The following RAI14 variants were observed in gnomAD, a reference collection of about 807,000 sequenced individuals.
RAI14 encodes retinoic acid induced 14, also known as ankycorbin.
In RAI14, 45 loss-of-function variants were observed where a neutral mutation model predicts 115.4. The ratio of observed to expected loss-of-function variants is 0.39; its 90% CI spans 0.31 to 0.50. The LOEUF (loss-of-function observed/expected upper bound fraction) is 0.50. Ranked by LOEUF, RAI14 falls within the 20% of genes least tolerant of loss-of-function variation. The pLI is 0.85. For missense variants in RAI14, 939 were observed against 1,131.2 expected (o/e 0.83, Z 2.44); for synonymous variants, 371 against 415.4 (o/e 0.89, Z 1.30).
intron 4 of RAI14, among the ~76,000 whole-genome samples, chr5:34,798,116 A>C (rs1479473829): frequency 1.3e-5 from 2 of 151,776 alleles, no homozygotes; most frequent in Non-Finnish European, 2.9e-5. Flanking sequence ...GCTCACTGCA[A>C]CCTCCGCATC....
chr5:34,776,299 G>A (rs1750826272), intron 3 of RAI14, among the ~76,000 whole-genome samples: 1 of 152,056 alleles, frequency 6.6e-6, no homozygotes, highest in Non-Finnish European at 1.5e-5. Context: ...GGAGGTTAAT[G>A]GGTATAAAAA....
intron 12 of RAI14, among the ~76,000 whole-genome samples, chr5:34,815,826 G>T (rs930437266): frequency 3.3e-5 from 5 of 152,192 alleles, no homozygotes; most frequent in Admixed American, 3.3e-4. Context: ...AATGATAAGT[G>T]TGTGAGATTA....
At chr5:34,686,739 C>T (rs10064852) in intron 1 of RAI14, 133 bp from the exon 2 acceptor site, 7,404 of 443,710 alleles carry the variant, frequency 0.017, 514 homozygotes, top group African/African-American at 0.14. Flanking sequence ...TTATTTACCA[C>T]TCCTCAGCTG....
intron 3 of RAI14, among the ~76,000 whole-genome samples, chr5:34,781,558 C>G (rs1751647886): frequency 1.3e-5 from 2 of 152,148 alleles, no homozygotes; most frequent in Admixed American, 1.3e-4. Context: ...GGTTGTAATT[C>G]AAATTCTCAT....
At chr5:34,662,168 C>G (rs1435487191) in intron 1 of RAI14, among the ~76,000 whole-genome samples, 1 of 152,092 alleles carries the variant, frequency 6.6e-6, no homozygotes, top group Non-Finnish European at 1.5e-5. Flanking sequence ...TGACTTTGTG[C>G]TTTTATCTAT....
intron 3 of RAI14, among the ~76,000 whole-genome samples, chr5:34,773,717 C>A (rs547599188): frequency 1.8e-3 from 274 of 152,128 alleles, no homozygotes; most frequent in African/African-American, 6.4e-3. Flanking sequence ...GTTATCCTAC[C>A]CCAGTTAGAA....
intron 2 of RAI14, among the ~76,000 whole-genome samples, chr5:34,691,311 A>G (rs1738570646): frequency 1.3e-5 from 2 of 152,212 alleles, no homozygotes; most frequent in Non-Finnish European, 2.9e-5. Flanking sequence ...AAAGAAGAAT[A>G]CTATATAAAG....
At chr5:34,741,509 G>C (rs909698043) in intron 2 of RAI14, among the ~76,000 whole-genome samples, 3 of 152,186 alleles carry the variant, frequency 2.0e-5, no homozygotes, top group Non-Finnish European at 4.4e-5. Flanking sequence ...CAGAGAGATG[G>C]CCAGATAAAA....
intron 1 of RAI14, among the ~76,000 whole-genome samples, chr5:34,673,483 T>C (rs548591952): frequency 1.2e-4 from 19 of 152,378 alleles, no homozygotes; most frequent in African/African-American, 3.4e-4. Flanking sequence ...AGGAATGGGC[T>C]GAGCAGACCG....
intron 2 of RAI14, chr5:34,688,372 A>T (rs938219062): frequency 2.0e-5 from 20 of 995,278 alleles, no homozygotes; most frequent in Admixed American, 2.7e-5. Context: ...ATAGGTTAAG[A>T]TTATTTTTAG....
At chr5:34,664,648 A>G (rs1331647409) in intron 1 of RAI14, among the ~76,000 whole-genome samples, 1 of 151,608 alleles carries the variant, frequency 6.6e-6, no homozygotes, top group Non-Finnish European at 1.5e-5. Context: ...TCCATGGGTT[A>G]TTGGGGAACT....
At chr5:34,773,094 T>A (rs1750388760) in intron 3 of RAI14, among the ~76,000 whole-genome samples, 1 of 152,218 alleles carries the variant, frequency 6.6e-6, no homozygotes. Flanking sequence ...ATCCATAAAA[T>A]TGTTTTTATG....
intron 3 of RAI14, among the ~76,000 whole-genome samples, chr5:34,773,877 G>A (rs549462044): frequency 6.6e-6 from 1 of 152,288 alleles, no homozygotes; most frequent in Admixed American, 6.5e-5. Flanking sequence ...TGTACATCCA[G>A]CACTTCCACA....
At chr5:34,664,441 A>C (rs1742948197) in intron 1 of RAI14, among the ~76,000 whole-genome samples, 1 of 151,558 alleles carries the variant, frequency 6.6e-6, no homozygotes, top group Admixed American at 6.6e-5. Flanking sequence ...GGAAAGAAAA[A>C]AATTGACATT....
At chr5:34,711,816 G>A (rs1741438088) in intron 2 of RAI14, among the ~76,000 whole-genome samples, 1 of 152,222 alleles carries the variant, frequency 6.6e-6, no homozygotes. Flanking sequence ...GCAGTATTCT[G>A]TTACAGCAGC....
chr5:34,753,770 T>C lies in RAI14; in HGVS notation c.37-3698T>C, dbSNP rs868501565. Among the ~76,000 whole-genome samples, 12 of 152,116 alleles carry C rather than the reference T, an allele frequency of 7.9e-5. 1 individual carries two copies. The East Asian group carries it at 1.2e-3, about 15-fold the overall frequency. On this transcript the variant is annotated intron_variant, in intron 2 of 17. Transcript: ENST00000265109. ...CTCTACTAAAAATACAAAAATTAGCTGGGCGTGGTGGCATGTGCCTGTAGT... is the reference window on the plus strand; with the variant it reads ...CTCTACTAAAAATACAAAAATTAGCCGGGCGTGGTGGCATGTGCCTGTAGT...
chr5:34,744,634 C>G (rs1230204870), intron 2 of RAI14, among the ~76,000 whole-genome samples: 1 of 152,154 alleles, frequency 6.6e-6, no homozygotes, highest in Non-Finnish European at 1.5e-5. Flanking sequence ...TCCAGGTCTT[C>G]CACTCTCTGA....
intron 1 of RAI14, among the ~76,000 whole-genome samples, chr5:34,661,333 G>T (rs372427113): frequency 1.3e-5 from 2 of 152,072 alleles, no homozygotes; most frequent in Non-Finnish European, 2.9e-5. Flanking sequence ...AAGGCATGGG[G>T]TTTGCCACTC....
intron 2 of RAI14, among the ~76,000 whole-genome samples, chr5:34,732,028 C>G (rs1744245999): frequency 6.6e-6 from 1 of 152,184 alleles, no homozygotes; most frequent in African/African-American, 2.4e-5. Context: ...CCTAAAGACT[C>G]CTCGGAGATG....
Sources: allele counts gnomAD v4.1 joint callset (sites outside exome capture counted in the v4.1 genomes callset), GRCh38; gene constraint gnomAD v4.1.1; transcripts MANE v1.5; gene names NCBI Gene and HGNC (gene_info 2026-07-23, HGNC 2026-07-21).